Variants in KCND2 observed in about 807,000 individuals in gnomAD.
KCND2 encodes potassium voltage-gated channel subfamily D member 2.
In KCND2, 16 loss-of-function variants were observed where a neutral mutation model predicts 54.4. The observed-to-expected ratio is 0.29, with a 90% CI of 0.20 to 0.45. KCND2 has a LOEUF of 0.45. Ranked by LOEUF, KCND2 falls within the 20% of genes least tolerant of loss-of-function variation. The probability of loss-of-function intolerance (pLI) is 1.00; values close to 1 mark genes in which losing one functional copy is unlikely to be tolerated. For missense variants in KCND2, 486 were observed against 824.2 expected (o/e 0.59, Z 5.02); for synonymous variants, 317 against 310.7 (o/e 1.02, Z -0.21).
chr7:120,337,763 C>T (rs2116359880), intron 1 of KCND2, among the ~76,000 whole-genome samples: 1 of 152,252 alleles, frequency 6.6e-6, no homozygotes, highest in Non-Finnish European at 1.5e-5. Context: ...TATTCGTTTA[C>T]AAAAGTTGTA....
chr7:120,678,872 A>C (rs1792105762), intron 1 of KCND2, among the ~76,000 whole-genome samples: 3 of 150,960 alleles, frequency 2.0e-5, no homozygotes, highest in Admixed American at 6.6e-5. Flanking sequence ...CATTCACAAC[A>C]TAAAGAGTTC....
At chr7:120,284,550 A>G (rs911405377) in intron 1 of KCND2, among the ~76,000 whole-genome samples, 1 of 152,176 alleles carries the variant, frequency 6.6e-6, no homozygotes, top group African/African-American at 2.4e-5. Flanking sequence ...TCAGAAAGGA[A>G]TGTGCCCTAC....
At position 120,749,923 on chromosome 7, in the gene KCND2, C is replaced by A. The variant is rs2116202604; in HGVS notation, c.*2065C>A. The A allele has an allele frequency of 6.6e-6, 1 of 151,984 alleles. No homozygotes were observed. The highest frequency in any genetic ancestry group is 2.4e-5 in the African/African-American group (1 of 41,526). The allele number at this position is 151,984 out of a possible 1,614,324, so 9.4% of individuals were successfully genotyped here. ...ATCAGAATTACTATGTCTTTTGATT[C>A]CCAATGAGAAGTTCTATTTTCATGT... is the stretch of plus-strand genomic sequence containing the variant. On this transcript the variant is annotated 3_prime_UTR_variant, in exon 6 of 6. Transcript: ENST00000331113.
chr7:120,677,542 G>GATATAGATATATAGAT (rs1240850643), intron 1 of KCND2, among the ~76,000 whole-genome samples: 1 of 139,710 alleles, frequency 7.2e-6, no homozygotes, highest in African/African-American at 2.9e-5. Flanking sequence ...TATAGATATA[G>GATATAGATATATAGAT]ATATAGATAT....
chr7:120,356,952 A>T (rs1800515049), intron 1 of KCND2, among the ~76,000 whole-genome samples: 1 of 152,132 alleles, frequency 6.6e-6, no homozygotes, highest in Non-Finnish European at 1.5e-5. Context: ...GGTATTATTA[A>T]AAAGTTAGAC....
intron 1 of KCND2, among the ~76,000 whole-genome samples, chr7:120,522,842 T>C (rs1440700207): frequency 6.6e-6 from 1 of 152,174 alleles, no homozygotes; most frequent in African/African-American, 2.4e-5. Flanking sequence ...AAAGTGAATC[T>C]CTGTAAAGTG....
At chr7:120,662,649 A>T (rs1329133815) in intron 1 of KCND2, among the ~76,000 whole-genome samples, 1 of 152,232 alleles carries the variant, frequency 6.6e-6, no homozygotes, top group East Asian at 1.9e-4. Flanking sequence ...CTAAATAAAG[A>T]TGAAATTATT....
intron 1 of KCND2, among the ~76,000 whole-genome samples, chr7:120,310,909 C>CT (rs960129740): frequency 6.9e-6 from 1 of 144,388 alleles, no homozygotes; most frequent in African/African-American, 2.6e-5. Context: ...GCACTCCAGC[C>CT]TGGGCAACAG....
At chr7:120,569,894 T>C (rs73439878) in intron 1 of KCND2, among the ~76,000 whole-genome samples, 12,946 of 152,130 alleles carry the variant, frequency 0.085, 634 homozygotes, top group South Asian at 0.09. Context: ...GGAGCTGTAA[T>C]AGGGACAGGG....
chr7:120,693,621 A>G (rs992487690), intron 1 of KCND2, among the ~76,000 whole-genome samples: 4 of 152,186 alleles, frequency 2.6e-5, no homozygotes, highest in African/African-American at 7.2e-5. Context: ...CTGGCTTCCA[A>G]TGTGTGATTA....
intron 1 of KCND2, among the ~76,000 whole-genome samples, chr7:120,574,165 T>A (rs1391093612): frequency 1.3e-5 from 2 of 152,180 alleles, no homozygotes; most frequent in Non-Finnish European, 2.9e-5. Flanking sequence ...AAGGATACAA[T>A]TTTATTTTTC....
At chr7:120,385,863 C>A (rs1243011581) in intron 1 of KCND2, among the ~76,000 whole-genome samples, 1 of 152,230 alleles carries the variant, frequency 6.6e-6, no homozygotes, top group South Asian at 2.1e-4. Context: ...TGGTTTCCAG[C>A]CGTTCTTCAT....
At chr7:120,275,881 G>C in intron 1 of KCND2, 134 bp downstream of exon 1, 10 of 1,001,886 alleles carry the variant, frequency 1.0e-5, no homozygotes, top group Non-Finnish European at 1.5e-5. Flanking sequence ...TATCTAAATG[G>C]TTTGGCAAAA....
chr7:120,736,069 C>T (rs947595658), intron 2 of KCND2, among the ~76,000 whole-genome samples: 2 of 152,034 alleles, frequency 1.3e-5, no homozygotes, highest in Non-Finnish European at 1.5e-5. Context: ...TCAGTAAAAA[C>T]GTCAGTCCAA....
At chr7:120,605,993 A>C (rs1324848223) in intron 1 of KCND2, among the ~76,000 whole-genome samples, 1 of 152,128 alleles carries the variant, frequency 6.6e-6, no homozygotes, top group African/African-American at 2.4e-5. Flanking sequence ...TGTTCTCAAG[A>C]TAGTGAATAA....
At chr7:120,353,633 G>A (rs566488423) in intron 1 of KCND2, among the ~76,000 whole-genome samples, 8 of 152,216 alleles carry the variant, frequency 5.3e-5, no homozygotes, top group South Asian at 4.1e-4. Context: ...TCTATAGGGC[G>A]TCTAGTAGAC....
chr7:120,324,008 G>A (rs1267168262), intron 1 of KCND2, among the ~76,000 whole-genome samples: 1 of 144,924 alleles, frequency 6.9e-6, no homozygotes, highest in African/African-American at 2.6e-5. Context: ...GTGTGAGATG[G>A]TATCTCATTG....
At chr7:120,526,545 G>A (rs1791776290) in intron 1 of KCND2, among the ~76,000 whole-genome samples, 1 of 152,090 alleles carries the variant, frequency 6.6e-6, no homozygotes, top group Admixed American at 6.6e-5. Flanking sequence ...AAAGGAGACA[G>A]ATGGAATTAT....
chr7:120,673,631 TA>T (rs1486717215), intron 1 of KCND2, among the ~76,000 whole-genome samples: 1 of 152,154 alleles, frequency 6.6e-6, no homozygotes. Flanking sequence ...ACAGCCAGAA[TA>T]AACTTACTAC....
Sources: gnomAD v4.1 joint callset for allele counts (sites outside exome capture counted in the v4.1 genomes callset) on GRCh38, gnomAD v4.1.1 for gene constraint, MANE v1.5 for transcripts, NCBI Gene and HGNC (gene_info 2026-07-23, HGNC 2026-07-21) for gene names.